MYRFL: variants seen among roughly 807,000 people sequenced by gnomAD.
The protein encoded by MYRFL is myelin regulatory factor like.
Under a neutral mutation model 109.4 loss-of-function variants are expected in MYRFL, and 88 were observed. That is an observed-to-expected ratio of 0.80 (90% CI 0.68 to 0.96). The LOEUF (loss-of-function observed/expected upper bound fraction) is 0.96, where lower values mean the gene tolerates loss of function less well. Ranked by LOEUF, MYRFL falls within the 40% of genes least tolerant of loss-of-function variation. The probability of loss-of-function intolerance (pLI) is 0.00; values close to 1 mark genes in which losing one functional copy is unlikely to be tolerated. For synonymous variants in MYRFL, 324 were observed against 320.9 expected, an observed-to-expected ratio of 1.01 and a Z score of -0.10; for missense variants, 957 against 954.9, an observed-to-expected ratio of 1.00 and a Z score of -0.03.
At chr12:69,893,989 A>ATTTTTTTTTTTTTTTTTTTTTTTTTT (rs60637559) in intron 8 of MYRFL, 149 bp downstream of exon 8, 2 of 111,944 alleles carry the variant, frequency 1.8e-5, no homozygotes, top group African/African-American at 4.2e-5. Flanking sequence ...AATAATGTTA[A>ATTTTTTTTTTTTTTTTTTTTTTTTTT]TTTTTTTTTT....
intron 6 of MYRFL, among the ~76,000 whole-genome samples, chr12:69,890,031 C>A (rs1298584016): frequency 1.3e-5 from 2 of 152,082 alleles, no homozygotes; most frequent in Admixed American, 6.5e-5. Flanking sequence ...AAGTAACCAC[C>A]ATTGTAGGTT....
intron 19 of MYRFL, among the ~76,000 whole-genome samples, chr12:69,938,312 C>T (rs1157793104): frequency 3.9e-5 from 6 of 152,144 alleles, no homozygotes; most frequent in Middle Eastern, 3.2e-3. Context: ...TTTCTCAAAG[C>T]AGTCCTCAGA....
intron 10 of MYRFL, among the ~76,000 whole-genome samples, chr12:69,898,110 G>A (rs1566008670): frequency 6.6e-6 from 1 of 152,194 alleles, no homozygotes; most frequent in African/African-American, 2.4e-5. Flanking sequence ...AGAGAACAAT[G>A]TTCACTGTGG....
At chr12:69,929,440 G>C (rs573831338) in intron 15 of MYRFL, among the ~76,000 whole-genome samples, 21 of 152,326 alleles carry the variant, frequency 1.4e-4, no homozygotes, top group South Asian at 6.2e-4. Flanking sequence ...TGAGAGTTGA[G>C]CCTTAAAGGA....
In MYRFL at chr12:69,879,238, A is replaced by G. The variant is rs1166818494; in HGVS notation, c.249A>G (p.Pro83=). 1.4e-6 allele frequency: 1 copy of G among 702,818 alleles called. No homozygotes were observed. The highest frequency in any genetic ancestry group is 2.7e-5 in the East Asian group (1 of 37,260). 43.5% of individuals were successfully genotyped at this position (702,818 alleles called of 1,614,324 possible). The change falls in exon 4 of 25, where the codon CCA becomes CCG. Residue 83 remains proline (P), a synonymous_variant. Coordinates refer to ENST00000552032, the MANE Select transcript of MYRFL (RefSeq NM_182530.3). The part of the protein sequence containing the change: ...PTLRPTAGRT[P]APFLHPTAAP... Reference sequence around the variant, plus strand: ...TGAGGCCCACAGCTGGGAGGACTCCAGCTCCTTTTCTCCACCCCACAGCTG... The same window carrying G: ...TGAGGCCCACAGCTGGGAGGACTCCGGCTCCTTTTCTCCACCCCACAGCTG...
rs1356569447 is a variant in MYRFL, at chr12:69,873,804, A to T, written c.138-5224A>T. Among the ~76,000 whole-genome samples the T allele has an allele frequency of 2.0e-5, 3 of 151,788 alleles. No individual in the cohort carries two copies. The South Asian group carries it at 6.2e-4, about 32-fold the overall frequency. Reference sequence around the variant, plus strand: ...GTGAAACCATGGATAAGGGAGGACTATATCTGTAGTTAAGTCTGACATTTA... The same window carrying T: ...GTGAAACCATGGATAAGGGAGGACTTTATCTGTAGTTAAGTCTGACATTTA... On this transcript the variant is annotated intron_variant, in intron 2 of 24. Coordinates refer to ENST00000552032, the MANE Select transcript of MYRFL (RefSeq NM_182530.3).
intron 1 of MYRFL, among the ~76,000 whole-genome samples, chr12:69,826,673 T>G (rs1286422840): frequency 6.6e-6 from 1 of 152,132 alleles, no homozygotes; most frequent in Non-Finnish European, 1.5e-5. Flanking sequence ...CTACAGCTTG[T>G]TACAATTATC....
At chr12:69,940,454 G>A (rs1369953898) in intron 19 of MYRFL, among the ~76,000 whole-genome samples, 1 of 149,346 alleles carries the variant, frequency 6.7e-6, no homozygotes, top group Non-Finnish European at 1.5e-5. Context: ...GCCAAACTAA[G>A]CTTCATAAGT....
At chr12:69,922,343 T>C (rs995325436) in intron 13 of MYRFL, among the ~76,000 whole-genome samples, 2 of 152,212 alleles carry the variant, frequency 1.3e-5, no homozygotes, top group African/African-American at 2.4e-5. Flanking sequence ...TTATTTTTAT[T>C]ACAACAAATT....
intron 2 of MYRFL, among the ~76,000 whole-genome samples, chr12:69,860,269 A>G (rs972177174): frequency 6.6e-6 from 1 of 152,178 alleles, no homozygotes; most frequent in Non-Finnish European, 1.5e-5. Context: ...GTCCCTGCAA[A>G]GGACATGATC....
chr12:69,861,107 A>G (rs991363007), intron 2 of MYRFL, among the ~76,000 whole-genome samples: 30 of 150,514 alleles, frequency 2.0e-4, no homozygotes, highest in Non-Finnish European at 3.6e-4. Flanking sequence ...ATAGTATTCC[A>G]TGGTGTATAT....
intron 6 of MYRFL, among the ~76,000 whole-genome samples, chr12:69,887,804 T>A (rs749001677): frequency 4.6e-5 from 7 of 152,214 alleles, no homozygotes; most frequent in Non-Finnish European, 7.3e-5. Flanking sequence ...TGGGAGTTGG[T>A]GTGTTTAATA....
chr12:69,918,620 C>T (rs1473951681), intron 13 of MYRFL, among the ~76,000 whole-genome samples: 2 of 152,128 alleles, frequency 1.3e-5, no homozygotes, highest in Non-Finnish European at 2.9e-5. Context: ...ATCCTCAACA[C>T]CTGACATTAT....
chr12:69,846,765 A>G (rs1211511965), intron 1 of MYRFL, among the ~76,000 whole-genome samples: 1 of 151,966 alleles, frequency 6.6e-6, no homozygotes, highest in African/African-American at 2.4e-5. Flanking sequence ...TCCCTGAGGA[A>G]TCGCCACACT....
intron 2 of MYRFL, among the ~76,000 whole-genome samples, chr12:69,870,560 A>G (rs1885297650): frequency 6.6e-6 from 1 of 152,340 alleles, no homozygotes; most frequent in Non-Finnish European, 1.5e-5. Flanking sequence ...TAAGAAGTGA[A>G]GAAAAAATAC....
intron 7 of MYRFL, among the ~76,000 whole-genome samples, chr12:69,892,636 A>G (rs1459334979): frequency 2.0e-5 from 3 of 152,352 alleles, no homozygotes; most frequent in East Asian, 1.9e-4. Context: ...TGCTGCACAC[A>G]TAACTGTTCT....
At chr12:69,947,149 C>T (rs1230762940) in intron 19 of MYRFL, 4 of 151,932 alleles carry the variant, frequency 2.6e-5, no homozygotes, top group African/African-American at 4.8e-5. Flanking sequence ...GTTTCTAAAG[C>T]ATTAAAGACC....
intron 13 of MYRFL, among the ~76,000 whole-genome samples, chr12:69,924,190 G>GAAAAAA (rs543542332): frequency 1.3e-5 from 1 of 79,876 alleles, no homozygotes; most frequent in Non-Finnish European, 2.4e-5. Flanking sequence ...CTCCGTCTCA[G>GAAAAAA]AAAAAAAAAA....
At chr12:69,906,802 A>G (rs954795374) in intron 11 of MYRFL, among the ~76,000 whole-genome samples, 3 of 152,212 alleles carry the variant, frequency 2.0e-5, no homozygotes, top group African/African-American at 7.2e-5. Flanking sequence ...CCATCACCAG[A>G]TGACAGATAG....
Sources: allele counts gnomAD v4.1 joint callset (sites outside exome capture counted in the v4.1 genomes callset), GRCh38; gene constraint gnomAD v4.1.1; transcripts MANE v1.5; gene names NCBI Gene and HGNC (gene_info 2026-07-23, HGNC 2026-07-21).